The following MAG variants were observed in gnomAD, a reference collection of about 807,000 sequenced individuals.
MAG encodes myelin associated glycoprotein.
A neutral mutation model predicts 60.7 loss-of-function variants in MAG; 30 were observed. That is an observed-to-expected ratio of 0.49 (90% CI 0.37 to 0.67). The LOEUF is 0.67. Ranked by LOEUF, MAG falls within the 30% of genes least tolerant of loss-of-function variation. The pLI is 0.00. For synonymous variants in MAG, 384 were observed against 376.8 expected, an observed-to-expected ratio of 1.02 and a Z score of -0.22; for missense variants, 795 against 851.7, an observed-to-expected ratio of 0.93 and a Z score of 0.83.
chr19:35,301,333 C>A (rs2066446706), intron 6 of MAG, among the ~76,000 whole-genome samples: 1 of 151,360 alleles, frequency 6.6e-6, no homozygotes, highest in South Asian at 2.1e-4. Flanking sequence ...AGATACCATT[C>A]ATTCATTCAC....
chr19:35,300,466 G>A, intron 6 of MAG, 62 bp downstream of exon 6: 1 of 1,503,558 alleles, frequency 6.7e-7, no homozygotes, highest in East Asian at 2.3e-5. Flanking sequence ...AGGGAAAGGG[G>A]CCTCATCCAG....
Position 35,295,653 on chromosome 19 carries a change from C to T in MAG, c.87C>T (p.Ser29=), listed in dbSNP as rs2066390993. 6.2e-7 allele frequency: 1 copy of T among 1,610,858 alleles called. No homozygotes were observed. The highest frequency in any genetic ancestry group is 1.3e-5 in the African/African-American group (1 of 74,900). ...GGHWGAWMPS[S]ISAFEGTCVS... ...ACTGGGGTGCCTGGATGCCCTCGTC[C>T]ATCTCGGCCTTCGAAGGCACGTGCG... The change falls in exon 4 of 11, where the codon TCC becomes TCT. Residue 29 remains serine, a synonymous_variant. Coordinates refer to ENST00000392213, the MANE Select transcript of MAG (RefSeq NM_002361.4). The surrounding 1 kb of genome is among the most constrained non-coding windows in gnomAD (Gnocchi z 5.8).
At chr19:35,312,437 C>G in intron 10 of MAG, 10 of 943,966 alleles carry the variant, frequency 1.1e-5, no homozygotes, top group Non-Finnish European at 1.7e-5. Context: ...TGGTGATGTC[C>G]GGGCCTGCCC....
At chr19:35,300,004 GGGGGCGGAACCAGGCAGTCCT>G in intron 5 of MAG, 122 bp from the exon 6 acceptor site, 1 of 1,257,438 alleles carries the variant, frequency 8.0e-7, no homozygotes, top group Admixed American at 3.2e-5. Context: ...TGGGTGGGAC[GGGGGCGGAACCAGGCAGTCCT>G]GGGGCGGGGC....
rs1267015212 is a variant in MAG, at chr19:35,295,571, T to A, written c.47-42T>A. ...ATGGGAGCCGGAGGGGGTGATCGGG[T>A]AGGACGTGTCCCTGAGCCTCAGCTC... is the stretch of plus-strand genomic sequence containing the variant. On this transcript the variant is annotated intron_variant, in intron 3 of 10. Transcript: ENST00000392213. This position sits in a 1 kb window ranked among gnomAD's most constrained non-coding sequence, Gnocchi z 5.8. 2.5e-6 allele frequency: 4 copies of A among 1,594,918 alleles called. No homozygotes were observed. The highest frequency in any genetic ancestry group is 3.4e-6 in the Non-Finnish European group (4 of 1,171,456).
At chr19:35,302,299 T>G in intron 6 of MAG, 149 bp from the exon 7 acceptor site, 202 of 805,386 alleles carry the variant, frequency 2.5e-4, no homozygotes, top group Middle Eastern at 3.7e-4. Context: ...TTCTTGGAAA[T>G]GAGATAGCCA....
rs1366028367 is a variant in MAG at position 35,300,416 on chromosome 19, A to G, written c.970+12A>G. ...GCTCAGTGTCATGTGTGAGTGGCCC[A>G]CTCTGTGCGTCCACACGCCCACCTG... On this transcript the variant is annotated intron_variant, in intron 6 of 10. Coordinates refer to ENST00000392213, the MANE Select transcript of MAG (RefSeq NM_002361.4). The G allele has an allele frequency of 5.8e-6, 9 of 1,550,278 alleles. No individual in the cohort carries two copies. Among genetic ancestry groups the G allele is most frequent in the Non-Finnish European group, 7.8e-6 (9 of 1,147,888 alleles).
At chr19:35,306,736 C>G (rs1472635515) in intron 7 of MAG, among the ~76,000 whole-genome samples, 2 of 152,246 alleles carry the variant, frequency 1.3e-5, no homozygotes, top group Non-Finnish European at 2.9e-5. Flanking sequence ...CTGCACCCGG[C>G]TGGGATGTTA....
In MAG at chr19:35,310,015, G is replaced by A; in HGVS notation, c.1373G>A (p.Arg458Gln). ...SRNVTVNESE[R>Q]EFVYSERSGL... Reference sequence around the variant, plus strand: ...AATGTGACCGTGAACGAGAGCGAGCGGGAGTTCGTGTACTCGGAGCGCAGC... The same window carrying A: ...AATGTGACCGTGAACGAGAGCGAGCAGGAGTTCGTGTACTCGGAGCGCAGC... Residue 458 changes from arginine to glutamine, a missense_variant, in exon 8 of 11, where the codon CGG (arginine) becomes CAG (glutamine). Coordinates refer to ENST00000392213, the MANE Select transcript of MAG (RefSeq NM_002361.4). 3.1e-6 allele frequency: 5 copies of A among 1,614,002 alleles called. No individual in the cohort carries two copies. Among genetic ancestry groups the A allele is most frequent in the South Asian group, 1.1e-5 (1 of 91,086 alleles).
At chr19:35,312,985 G>A (rs1033039812) in intron 10 of MAG, among the ~76,000 whole-genome samples, 18 of 152,172 alleles carry the variant, frequency 1.2e-4, no homozygotes, top group African/African-American at 4.1e-4. Flanking sequence ...GCTGCAGTGA[G>A]CAAAGATCGA....
chr19:35,304,964 C>T (rs1007388911), intron 7 of MAG, among the ~76,000 whole-genome samples: 4 of 152,290 alleles, frequency 2.6e-5, no homozygotes, highest in African/African-American at 9.6e-5. Context: ...AAAAGTGGGT[C>T]CGAGCCCGAT....
At chr19:35,310,922 A>G (rs762279596) in intron 9 of MAG, among the ~76,000 whole-genome samples, 5 of 151,222 alleles carry the variant, frequency 3.3e-5, no homozygotes, top group Non-Finnish European at 5.9e-5. Flanking sequence ...ATCTCTAGGA[A>G]CTCTCCCCTA....
Position 35,313,548 on chromosome 19 carries a change from G to T in MAG, c.*94G>T. 2 of 1,334,082 alleles carry T rather than the reference G, an allele frequency of 1.5e-6. No individual in the cohort carries two copies. The highest frequency in any genetic ancestry group is 2.0e-6 in the Non-Finnish European group (2 of 994,744). 82.6% of individuals were successfully genotyped at this position (1,334,082 alleles called of 1,614,324 possible). Reference sequence around the variant, plus strand: ...TCCCTTCCTCCCAAAAGTATCGGGGGCTGGGGCAGGAGGGGAGTGAGGCAG... The same window carrying T: ...TCCCTTCCTCCCAAAAGTATCGGGGTCTGGGGCAGGAGGGGAGTGAGGCAG... On this transcript the variant is annotated 3_prime_UTR_variant, in exon 11 of 11. Coordinates refer to ENST00000392213, the MANE Select transcript of MAG (RefSeq NM_002361.4).
In MAG at chr19:35,299,811, A is replaced by G. The variant is rs771689088; in HGVS notation, c.673A>G (p.Thr225Ala). 6.6e-7 allele frequency: 1 copy of G among 1,525,016 alleles called. No homozygotes were observed. The highest frequency in any genetic ancestry group is 8.8e-7 in the Non-Finnish European group (1 of 1,141,650). The allele number at this position is 1,525,016 out of a possible 1,614,324, so 94.5% of individuals were successfully genotyped here. ...CTGCCAGGCCTCCTTCCCCAACACCACCCTGCAGTTCGAGGGCTACGCCAG... is the reference window on the plus strand; with the variant it reads ...CTGCCAGGCCTCCTTCCCCAACACCGCCCTGCAGTTCGAGGGCTACGCCAG... ...LGCQASFPNT[T>A]LQFEGYASMD... Residue 225 changes from threonine to alanine, a missense_variant, in exon 5 of 11, where the codon ACC becomes GCC. Physicochemically the swap from Thr to Ala is moderately conservative, Grantham distance 58 (BLOSUM62 0). Coordinates refer to ENST00000392213, the MANE Select transcript of MAG (RefSeq NM_002361.4).
At chr19:35,312,569 C>T in intron 10 of MAG, 3 of 586,886 alleles carry the variant, frequency 5.1e-6, no homozygotes, top group Non-Finnish European at 6.1e-6. Context: ...GTGGGGGGAA[C>T]CCACATGTCA....
intron 4 of MAG, among the ~76,000 whole-genome samples, chr19:35,298,573 A>C (rs1361458699): frequency 3.4e-5 from 5 of 149,200 alleles, no homozygotes; most frequent in Non-Finnish European, 7.4e-5. Flanking sequence ...AACCACACAC[A>C]CTACACCCTA....
chr19:35,304,720 A>G (rs934291284), intron 7 of MAG, among the ~76,000 whole-genome samples: 2 of 151,794 alleles, frequency 1.3e-5, no homozygotes, highest in African/African-American at 2.4e-5. Context: ...TTTTATTTTT[A>G]GTAGAGACGG....
chr19:35,312,454 G>C, intron 10 of MAG: 1 of 828,918 alleles, frequency 1.2e-6, no homozygotes, highest in Non-Finnish European at 2.0e-6. Flanking sequence ...GCCCGGCAGT[G>C]CTGGCCTTGT....
chr19:35,301,980 C>G (rs937716996), intron 6 of MAG, among the ~76,000 whole-genome samples: 8 of 152,190 alleles, frequency 5.3e-5, no homozygotes, highest in African/African-American at 1.9e-4. Flanking sequence ...CTGTAACTAC[C>G]CTGATTTTCC....
Sources: allele counts gnomAD v4.1 joint callset (sites outside exome capture counted in the v4.1 genomes callset), GRCh38; gene constraint gnomAD v4.1.1; non-coding constraint Gnocchi (gnomAD v3.1); transcripts MANE v1.5; gene names NCBI Gene and HGNC (gene_info 2026-07-23, HGNC 2026-07-21).